Variants in PCCB observed in about 807,000 individuals in gnomAD.
PCCB encodes the protein propionyl-CoA carboxylase subunit beta, also known as propionyl-CoA carboxylase beta chain, mitochondrial.
Under a neutral mutation model 60.7 loss-of-function variants are expected in PCCB, and 43 were observed. That is an observed-to-expected ratio of 0.71 (90% CI 0.55 to 0.91). PCCB has a LOEUF of 0.91. PCCB is among the 40% of genes least tolerant of loss of function. The probability of loss-of-function intolerance (pLI) is 0.00; values close to 1 mark genes in which losing one functional copy is unlikely to be tolerated. For synonymous variants in PCCB, 276 were observed against 255.9 expected (o/e 1.08, Z -0.75); for missense variants, 766 against 702.8 (o/e 1.09, Z -1.02).
At chr3:136,268,092 A>AGATATATATATATATATATATG (rs1431233108) in intron 5 of PCCB, among the ~76,000 whole-genome samples, 1 of 54,474 alleles carries the variant, frequency 1.8e-5, no homozygotes, top group Non-Finnish European at 3.7e-5. Context: ...GTGTAGATAT[A>AGATATATATATATATATATATG]TATATATATA....
intron 6 of PCCB, among the ~76,000 whole-genome samples, chr3:136,292,810 C>T (rs1437089751): frequency 6.6e-6 from 1 of 152,074 alleles, no homozygotes; most frequent in Non-Finnish European, 1.5e-5. Context: ...GCATGGGTGT[C>T]TCTGTAGAGA....
chr3:136,328,291 A>T (rs1004151715), intron 13 of PCCB, among the ~76,000 whole-genome samples: 3 of 152,190 alleles, frequency 2.0e-5, no homozygotes, highest in Admixed American at 6.5e-5. Context: ...CTCTGACTTG[A>T]AGGCCAATCC....
At chr3:136,294,111 T>A (rs946668932) in intron 7 of PCCB, among the ~76,000 whole-genome samples, 2 of 152,168 alleles carry the variant, frequency 1.3e-5, no homozygotes, top group Non-Finnish European at 2.9e-5. Context: ...TTAAAACAAT[T>A]TAGAGCTAGT....
chr3:136,317,645 GT>G, intron 10 of PCCB, among the ~76,000 whole-genome samples: 2 of 152,214 alleles, frequency 1.3e-5, no homozygotes, highest in Non-Finnish European at 2.9e-5. Context: ...TCAGTTTTCT[GT>G]TCCCCCCTAC....
At chr3:136,289,493 T>C (rs911396034) in intron 6 of PCCB, among the ~76,000 whole-genome samples, 4 of 152,352 alleles carry the variant, frequency 2.6e-5, no homozygotes, top group African/African-American at 9.6e-5. Flanking sequence ...TTAATATCTT[T>C]CTGCATTCAT....
intron 6 of PCCB, 66 bp from the exon 7 acceptor site, chr3:136,293,690 C>G: frequency 1.0e-6 from 1 of 976,728 alleles, no homozygotes; most frequent in Non-Finnish European, 1.7e-6. Flanking sequence ...TTGGCTGAAT[C>G]AACTCTAAGG....
At chr3:136,293,521 C>T (rs1428325729) in intron 6 of PCCB, among the ~76,000 whole-genome samples, 1 of 152,150 alleles carries the variant, frequency 6.6e-6, no homozygotes, top group African/African-American at 2.4e-5. Context: ...AGATGTTAGC[C>T]ACATTGCAAG....
chr3:136,285,133 T>G (rs1446198218), intron 6 of PCCB, among the ~76,000 whole-genome samples: 1 of 151,102 alleles, frequency 6.6e-6, no homozygotes, highest in Admixed American at 6.6e-5. Context: ...TTCTCTTACT[T>G]GGTGGACAAT....
At chr3:136,277,460 A>G (rs1450629171) in intron 5 of PCCB, among the ~76,000 whole-genome samples, 1 of 152,054 alleles carries the variant, frequency 6.6e-6, no homozygotes, top group Non-Finnish European at 1.5e-5. Context: ...TCAGGTGACA[A>G]CGGGGTCCAT....
At chr3:136,328,367 C>T (rs1028345587) in intron 13 of PCCB, among the ~76,000 whole-genome samples, 3 of 152,112 alleles carry the variant, frequency 2.0e-5, no homozygotes, top group African/African-American at 7.2e-5. Flanking sequence ...CTTAGGGTAC[C>T]GAAAAAGGGA....
At chr3:136,291,535 T>C (rs1933688117) in intron 6 of PCCB, among the ~76,000 whole-genome samples, 1 of 152,180 alleles carries the variant, frequency 6.6e-6, no homozygotes, top group Admixed American at 6.6e-5. Context: ...TTAGTGAGCC[T>C]GTGCCTCTGA....
rs544664390 is a variant in PCCB, at chr3:136,301,083, C to T, written c.938C>T (p.Ala313Val). The T allele has an allele frequency of 6.2e-7, 1 of 1,613,880 alleles. No homozygotes were observed. Among genetic ancestry groups the T allele is most frequent in the Admixed American group, 1.7e-5 (1 of 60,004 alleles). ...ATTGTCCCTTTGGAATCAACCAAAG[C>T]CTACAACATGGTGGACATCATACAC... ...DTIVPLESTK[A>V]YNMVDIIHSV... is the part of the protein sequence containing the mutation. Residue 313 changes from alanine to valine, a missense_variant, in exon 9 of 15, where the codon GCC (alanine) becomes GTC (valine). Physicochemically the swap from Ala to Val is moderately conservative, Grantham distance 64. Transcript: ENST00000251654.
chr3:136,279,946 G>T (rs868808583), intron 5 of PCCB, among the ~76,000 whole-genome samples: 1 of 152,192 alleles, frequency 6.6e-6, no homozygotes, highest in Non-Finnish European at 1.5e-5. Flanking sequence ...GATTACAGGC[G>T]TGAGCCACCG....
chr3:136,279,600 C>CTT (rs1942420301), intron 5 of PCCB, among the ~76,000 whole-genome samples: 1 of 152,104 alleles, frequency 6.6e-6, no homozygotes, highest in Non-Finnish European at 1.5e-5. Flanking sequence ...TAGATTATAT[C>CTT]TTTATACATG....
intron 6 of PCCB, among the ~76,000 whole-genome samples, chr3:136,284,623 A>G (rs1230773695): frequency 6.6e-6 from 1 of 152,084 alleles, no homozygotes; most frequent in Non-Finnish European, 1.5e-5. Context: ...ACTTGAGGAG[A>G]GGAGTTCTAG....
Position 136,289,809 on chromosome 3 carries a change from G to A in PCCB, c.655-3947G>A, listed in dbSNP as rs182673518. Among the ~76,000 whole-genome samples, 127 of 91,420 alleles carry A rather than the reference G, an allele frequency of 1.4e-3. 4 individuals carry two copies. Among genetic ancestry groups the A allele is most frequent in the Non-Finnish European group, 3.7e-4 (15 of 40,674 alleles). The allele number at this position is 91,420 out of a possible 152,430, so 60.0% of individuals were successfully genotyped here. A position where few individuals can be genotyped will look rare whatever the true frequency, so the allele number is the denominator to read the frequency against. On this transcript the variant is annotated intron_variant, in intron 6 of 14. Coordinates refer to ENST00000251654, the MANE Select transcript of PCCB (RefSeq NM_000532.5). ...TTATACTTTTTTTTTACCTTCTTCA[G>A]TGGTTGCCTTAGAGGTTGCAATATA...
At chr3:136,326,534 C>T (rs544530079) in intron 10 of PCCB, 79 of 647,254 alleles carry the variant, frequency 1.2e-4, no homozygotes, top group African/African-American at 9.0e-4. Flanking sequence ...GCGGCAAGGC[C>T]GGCTGTGTCT....
intron 10 of PCCB, among the ~76,000 whole-genome samples, chr3:136,320,812 T>C (rs1036457853): frequency 1.3e-5 from 2 of 152,194 alleles, no homozygotes; most frequent in Non-Finnish European, 2.9e-5. Flanking sequence ...TTTGGATGCT[T>C]TTTATTTTTC....
intron 1 of PCCB, 96 bp downstream of exon 1, chr3:136,250,654 C>G: frequency 1.6e-6 from 2 of 1,268,262 alleles, no homozygotes; most frequent in Non-Finnish European, 2.2e-6. Context: ...CCTGCCAATC[C>G]GCACGGTGCC....
Sources: allele counts gnomAD v4.1 joint callset (sites outside exome capture counted in the v4.1 genomes callset), GRCh38; gene constraint gnomAD v4.1.1; transcripts MANE v1.5; gene names NCBI Gene and HGNC (gene_info 2026-07-23, HGNC 2026-07-21).